The following CHD2 variants were observed in gnomAD, a reference collection of about 807,000 sequenced individuals.
CHD2 encodes the protein ATP-dependent chromatin remodeler CHD2.
Under a neutral mutation model 243.9 loss-of-function variants are expected in CHD2, and 28 were observed. The ratio of observed to expected loss-of-function variants is 0.11; its 90% CI spans 0.09 to 0.16. The LOEUF is 0.16. CHD2 is among the 10% of genes least tolerant of loss of function. The pLI, the probability that CHD2 is intolerant of heterozygous loss-of-function variation, is 1.00. For missense variants in CHD2, 1,386 were observed against 2,209.8 expected (o/e 0.63, Z 7.47); for synonymous variants, 775 against 779.0 (o/e 0.99, Z 0.09).
intron 15 of CHD2, among the ~76,000 whole-genome samples, chr15:92,955,963 T>A (rs2053612896): frequency 6.6e-6 from 1 of 152,178 alleles, no homozygotes; most frequent in East Asian, 1.9e-4. Context: ...GAATGGTCTT[T>A]GTGAGGAGGA....
rs771724712 is a variant in CHD2, at chr15:92,992,901, G to T, written c.3498G>T (p.Ser1166=). 2.5e-6 allele frequency: 4 copies of T among 1,614,076 alleles called. No homozygotes were observed. Among genetic ancestry groups the T allele is most frequent in the Non-Finnish European group, 3.4e-6 (4 of 1,180,008 alleles). ...GTGATGCTGAGCTGGTAGATAAGTCGGTGGCAGATCTGAAGCGCCTGGGTG... is the reference window on the plus strand; with the variant it reads ...GTGATGCTGAGCTGGTAGATAAGTCTGTGGCAGATCTGAAGCGCCTGGGTG... ...IARDAELVDK[S]VADLKRLGEL... is the part of the protein sequence containing the mutation. The change falls in exon 28 of 39, where the codon TCG becomes TCT. Residue 1166 remains serine (S), a synonymous_variant. Transcript: ENST00000394196.
chr15:92,935,622 C>A (rs1357950347), intron 5 of CHD2, among the ~76,000 whole-genome samples: 1 of 152,126 alleles, frequency 6.6e-6, no homozygotes, highest in Non-Finnish European at 1.5e-5. Flanking sequence ...CTGTGTAAGC[C>A]CCCTCTGAGG....
Position 92,900,524 on chromosome 15 carries a change from T to C in CHD2, c.-372T>C. 1 of 398,748 alleles carries C rather than the reference T, an allele frequency of 2.5e-6. No homozygotes were observed. The highest frequency in any genetic ancestry group is 4.4e-6 in the Non-Finnish European group (1 of 226,012). The allele number at this position is 398,748 out of a possible 1,614,324, so 24.7% of individuals were successfully genotyped here. ...AGAAAAGCAGCTTTTAGGAGCTTTC[T>C]TTTCGTGCCTTGTTGGAAAGAAGCA... On this transcript the variant is annotated 5_prime_UTR_variant, in exon 1 of 39. Coordinates refer to ENST00000394196, the MANE Select transcript of CHD2 (RefSeq NM_001271.4).
chr15:92,986,127 A>G (rs1406969965), intron 26 of CHD2, among the ~76,000 whole-genome samples: 2 of 152,170 alleles, frequency 1.3e-5, no homozygotes, highest in African/African-American at 4.8e-5. Context: ...TATAAGTAGT[A>G]TGTACAGCAT....
chr15:92,916,092 C>CT (rs781356132), intron 2 of CHD2, among the ~76,000 whole-genome samples: 7 of 152,226 alleles, frequency 4.6e-5, no homozygotes, highest in Non-Finnish European at 8.8e-5. Context: ...TGTCTATTAT[C>CT]TACCTATGAC....
chr15:92,918,973 CT>C (rs2052899544), intron 2 of CHD2, among the ~76,000 whole-genome samples: 2 of 151,622 alleles, frequency 1.3e-5, no homozygotes, highest in African/African-American at 4.9e-5. Context: ...ATTCTCCTGC[CT>C]CAGCCTCCAA....
At chr15:92,962,532 A>AT (rs2053704198) in intron 16 of CHD2, among the ~76,000 whole-genome samples, 2 of 152,250 alleles carry the variant, frequency 1.3e-5, no homozygotes, top group East Asian at 3.9e-4. Flanking sequence ...CTTTAAATGA[A>AT]TTTATTATGA....
chr15:92,953,164 T>C (rs913375993), intron 13 of CHD2, among the ~76,000 whole-genome samples, 193 bp from the exon 14 acceptor site: 3 of 152,228 alleles, frequency 2.0e-5, no homozygotes, highest in African/African-American at 7.2e-5. Context: ...TATTCTGCTT[T>C]TTATGGTTTC....
chr15:92,988,198 T>G (rs555389050), intron 26 of CHD2, among the ~76,000 whole-genome samples: 27 of 152,264 alleles, frequency 1.8e-4, no homozygotes, highest in African/African-American at 6.3e-4. Flanking sequence ...CTGTCCTGCC[T>G]TAGCCTCCCA....
At chr15:92,917,851 CAT>C (rs1260081331) in intron 2 of CHD2, among the ~76,000 whole-genome samples, 2 of 152,180 alleles carry the variant, frequency 1.3e-5, no homozygotes. Flanking sequence ...AGAATTTTGA[CAT>C]ATGCCTGACA....
chr15:92,958,250 G>A (rs1250837316), intron 16 of CHD2, among the ~76,000 whole-genome samples: 3 of 152,282 alleles, frequency 2.0e-5, no homozygotes, highest in African/African-American at 7.2e-5. Flanking sequence ...GTTTCCCTGC[G>A]TCATCACCAG....
chr15:92,994,849 T>G (rs1157482682), intron 28 of CHD2, among the ~76,000 whole-genome samples: 1 of 152,260 alleles, frequency 6.6e-6, no homozygotes, highest in Admixed American at 6.5e-5. Context: ...GTCCACATTC[T>G]GGATCTGGCT....
At chr15:92,965,551 C>T (rs372847797) in intron 16 of CHD2, among the ~76,000 whole-genome samples, 10 of 131,702 alleles carry the variant, frequency 7.6e-5, no homozygotes, top group Middle Eastern at 5.1e-3. Context: ...GCGACAGAGC[C>T]GAGACTCTTT....
chr15:92,997,270 G>A lies in CHD2; in HGVS notation c.3752G>A (p.Arg1251His), dbSNP rs748103788. The change falls in exon 30 of 39, where the codon CGT becomes CAT. Residue 1251 changes from arginine (R) to histidine (H), a missense_variant. This residue lies in a region of CHD2 where 99 missense variants were observed against 176.9 expected (regional missense o/e 0.56). Coordinates refer to ENST00000394196, the MANE Select transcript of CHD2 (RefSeq NM_001271.4). This position sits in a 1 kb window ranked among gnomAD's most constrained non-coding sequence, Gnocchi z 4.1. ...EEKKKYCLTC[R>H]VKAAHFDVEW... ...TTCTTTAGATACTGCTTAACCTGTC[G>A]TGTCAAAGCTGCACATTTTGATGTA... 9.9e-6 allele frequency: 16 copies of A among 1,613,812 alleles called. No homozygotes were observed. The highest frequency in any genetic ancestry group is 1.6e-4 in the Middle Eastern group (1 of 6,084).
intron 34 of CHD2, among the ~76,000 whole-genome samples, chr15:93,006,478 A>T (rs2054323785): frequency 6.6e-6 from 1 of 152,172 alleles, no homozygotes. Flanking sequence ...TTCGATGTTT[A>T]TACTTAACGT....
intron 16 of CHD2, among the ~76,000 whole-genome samples, chr15:92,956,975 G>T (rs1467740493): frequency 6.6e-6 from 1 of 152,034 alleles, no homozygotes; most frequent in East Asian, 1.9e-4. Flanking sequence ...AATATACAAG[G>T]TACACAAGCA....
chr15:92,905,369 T>A (rs1435867315), intron 2 of CHD2, among the ~76,000 whole-genome samples: 2 of 152,238 alleles, frequency 1.3e-5, no homozygotes, highest in Non-Finnish European at 2.9e-5. Context: ...TCAGCAACGA[T>A]GTCTTAATAA....
chr15:92,900,327 G>C lies in CHD2; in HGVS notation c.-569G>C. The C allele has an allele frequency of 2.7e-6, 1 of 375,492 alleles. No individual in the cohort carries two copies. Among genetic ancestry groups the C allele is most frequent in the Non-Finnish European group, 4.7e-6 (1 of 212,472 alleles). 23.3% of individuals were successfully genotyped at this position (375,492 alleles called of 1,614,324 possible). A position where few individuals can be genotyped will look rare whatever the true frequency, so the allele number is the denominator to read the frequency against. ...GTCAATCAAAGGCAGAGCTCTCAGA[G>C]CTGGGAAGGAGGCTCTAGATGGCGG... is the stretch of plus-strand genomic sequence containing the variant. On this transcript the variant is annotated 5_prime_UTR_variant, in exon 1 of 39. Transcript: ENST00000394196.
chr15:93,004,271 G>C (rs900382311), intron 33 of CHD2, among the ~76,000 whole-genome samples: 3 of 152,110 alleles, frequency 2.0e-5, no homozygotes, highest in African/African-American at 7.2e-5. Context: ...GTTAATAAAG[G>C]TTGCTACATG....
Sources: allele counts gnomAD v4.1 joint callset (sites outside exome capture counted in the v4.1 genomes callset), GRCh38; gene constraint gnomAD v4.1.1; regional missense constraint gnomAD v4.1.1; non-coding constraint Gnocchi (gnomAD v3.1); transcripts MANE v1.5; gene names NCBI Gene and HGNC (gene_info 2026-07-23, HGNC 2026-07-21).